Variants in PRKN observed in about 807,000 individuals in gnomAD.
The protein encoded by PRKN is parkin RBR E3 ubiquitin protein ligase, also known as E3 ubiquitin-protein ligase parkin.
Under a neutral mutation model 59.5 loss-of-function variants are expected in PRKN, and 56 were observed. The observed-to-expected ratio is 0.94, with a 90% CI of 0.76 to 1.18. The LOEUF (loss-of-function observed/expected upper bound fraction) is 1.18, where lower values mean the gene tolerates loss of function less well. PRKN is among the 50% of genes most tolerant of loss of function. PRKN has a pLI of 0.00. For missense variants in PRKN, 657 were observed against 596.4 expected, an observed-to-expected ratio of 1.10 and a Z score of -1.06; for synonymous variants, 250 against 222.1, an observed-to-expected ratio of 1.13 and a Z score of -1.12.
At chr6:162,631,996 A>AG (rs1185057170) in intron 1 of PRKN, among the ~76,000 whole-genome samples, 2 of 151,602 alleles carry the variant, frequency 1.3e-5, no homozygotes, top group Admixed American at 6.6e-5. Context: ...AAAAAAAAAA[A>AG]AAAAAGATGT....
chr6:162,132,771 G>A (rs1038785144), intron 4 of PRKN, among the ~76,000 whole-genome samples: 1 of 152,092 alleles, frequency 6.6e-6, no homozygotes, highest in Non-Finnish European at 1.5e-5. Context: ...ACTCTGATAA[G>A]TGCTGTGGAC....
chr6:162,704,799 T>A (rs1321334504), intron 1 of PRKN, among the ~76,000 whole-genome samples: 2 of 152,184 alleles, frequency 1.3e-5, no homozygotes, highest in Non-Finnish European at 1.5e-5. Context: ...ACACAGCAGG[T>A]GTGCCCGAGG....
At chr6:162,175,003 C>T (rs1398228068) in intron 4 of PRKN, among the ~76,000 whole-genome samples, 1 of 152,208 alleles carries the variant, frequency 6.6e-6, no homozygotes, top group East Asian at 1.9e-4. Flanking sequence ...TCTTTCCCCA[C>T]CCTGTGAGGC....
At position 162,038,066 on chromosome 6, in the gene PRKN, TA is replaced by T. The variant is rs1360100884; in HGVS notation, c.618+16024del. Reference sequence around the variant, plus strand: ...TGAAAAAAAAAATAGAAACCAATAATAAAACTTTTCCTAAGCCATTATGACC... The same window carrying T: ...TGAAAAAAAAAATAGAAACCAATAATAAACTTTTCCTAAGCCATTATGACC... On this transcript the variant is annotated intron_variant, in intron 5 of 11. Transcript: ENST00000366898. 4.0e-5 allele frequency among the ~76,000 whole-genome samples: 6 copies of T among 151,232 alleles called. No individual in the cohort carries two copies. The Admixed American group carries it at 4.0e-4, about 10-fold the overall frequency.
intron 1 of PRKN, among the ~76,000 whole-genome samples, chr6:162,675,238 T>A (rs542215269): frequency 7.5e-4 from 114 of 151,938 alleles, no homozygotes; most frequent in African/African-American, 2.7e-3. Context: ...TTAGTAGAGA[T>A]AGGGTTTCAC....
intron 5 of PRKN, among the ~76,000 whole-genome samples, chr6:162,022,338 G>A (rs1026149250): frequency 1.3e-5 from 2 of 152,004 alleles, no homozygotes; most frequent in African/African-American, 4.8e-5. Flanking sequence ...CTCTACATCT[G>A]CGCCAATATA....
intron 2 of PRKN, among the ~76,000 whole-genome samples, chr6:162,309,250 C>T (rs138658399): frequency 1.3e-5 from 2 of 152,258 alleles, no homozygotes; most frequent in South Asian, 2.1e-4. Flanking sequence ...CTGCAACCTA[C>T]GACTCCCAGG....
At position 161,933,847 on chromosome 6, in the gene PRKN, G is replaced by T. The variant is rs138089003; in HGVS notation, c.734+39455C>A. ...CTGTCTGTCCTACAATGTAAATGAA[G>T]CTCACAGTTCCCCTGAAAACATTTC... On this transcript the variant is annotated intron_variant, in intron 6 of 11. Transcript: ENST00000366898. 4.6e-3 allele frequency among the ~76,000 whole-genome samples: 695 copies of T among 151,820 alleles called. 3 individuals carry two copies. The highest frequency in any genetic ancestry group is 7.1e-3 in the Non-Finnish European group (485 of 67,942).
chr6:162,090,242 T>C (rs1779426024), intron 4 of PRKN, among the ~76,000 whole-genome samples: 1 of 152,144 alleles, frequency 6.6e-6, no homozygotes. Context: ...TCACATACTT[T>C]TAATACATTG....
intron 7 of PRKN, among the ~76,000 whole-genome samples, chr6:161,672,270 C>G (rs920543328): frequency 7.2e-5 from 11 of 152,154 alleles, no homozygotes; most frequent in African/African-American, 2.7e-4. Context: ...ACCCCAAACC[C>G]TGAACACCAT....
At chr6:162,311,320 CAAT>C (rs1292268496) in intron 2 of PRKN, among the ~76,000 whole-genome samples, 6 of 152,220 alleles carry the variant, frequency 3.9e-5, no homozygotes, top group African/African-American at 1.4e-4. Flanking sequence ...CATTAGCTCA[CAAT>C]GACTTCACTG....
rs142860551 is a variant in PRKN, at chr6:162,081,925, C to A, written c.535-27751G>T. On this transcript the variant is annotated intron_variant, in intron 4 of 11. Coordinates refer to ENST00000366898, the MANE Select transcript of PRKN (RefSeq NM_004562.3). ...CTTCTCCATCAGCACTCACCCTGAA[C>A]TTGAACTGTGATGGAGATGGCTTCT... Among the ~76,000 whole-genome samples the A allele has an allele frequency of 1.5e-3, 222 of 152,254 alleles. 3 individuals carry two copies. Among genetic ancestry groups the A allele is most frequent in the African/African-American group, 4.9e-3 (202 of 41,504 alleles).
chr6:162,397,673 G>A (rs902094769), intron 2 of PRKN, among the ~76,000 whole-genome samples: 9 of 152,114 alleles, frequency 5.9e-5, no homozygotes, highest in Admixed American at 1.3e-4. Context: ...CACTGTCACC[G>A]CTGACATTGA....
intron 1 of PRKN, among the ~76,000 whole-genome samples, chr6:162,475,203 A>C (rs1791943934): frequency 6.6e-6 from 1 of 152,210 alleles, no homozygotes; most frequent in Non-Finnish European, 1.5e-5. Flanking sequence ...CTATTAACCA[A>C]AAAACAGCCT....
At chr6:162,682,916 A>G (rs1052639624) in intron 1 of PRKN, among the ~76,000 whole-genome samples, 1 of 152,206 alleles carries the variant, frequency 6.6e-6, no homozygotes, top group Non-Finnish European at 1.5e-5. Flanking sequence ...ATACAGAACT[A>G]TACAAATAAG....
At chr6:162,472,519 C>T (rs187407020) in intron 1 of PRKN, among the ~76,000 whole-genome samples, 1,858 of 115,482 alleles carry the variant, frequency 0.016, 363 homozygotes, top group Non-Finnish European at 0.025. Flanking sequence ...CTCGCTCTGT[C>T]GCCCAGGCCA....
At chr6:162,550,793 G>A (rs1779304472) in intron 1 of PRKN, among the ~76,000 whole-genome samples, 1 of 152,164 alleles carries the variant, frequency 6.6e-6, no homozygotes, top group Admixed American at 6.5e-5. Flanking sequence ...GAAATGTTCT[G>A]GAAACTAGAA....
intron 7 of PRKN, among the ~76,000 whole-genome samples, chr6:161,585,950 G>C (rs577278196): frequency 6.6e-6 from 1 of 152,166 alleles, no homozygotes; most frequent in African/African-American, 2.4e-5. Flanking sequence ...GTCTCCATAA[G>C]GGTAAATTTG....
chr6:162,568,824 G>C (rs973993466), intron 1 of PRKN: 13 of 729,328 alleles, frequency 1.8e-5, no homozygotes, highest in Non-Finnish European at 3.0e-5. Context: ...GCAGGGGCTG[G>C]TGGAGGACTT....
Sources: gnomAD v4.1 joint callset for allele counts (sites outside exome capture counted in the v4.1 genomes callset) on GRCh38, gnomAD v4.1.1 for gene constraint, MANE v1.5 for transcripts, NCBI Gene and HGNC (gene_info 2026-07-23, HGNC 2026-07-21) for gene names.